SNTG1: variants seen among roughly 807,000 people sequenced by gnomAD.
SNTG1 encodes the protein gamma-1-syntrophin.
Under a neutral mutation model 74.7 loss-of-function variants are expected in SNTG1, and 39 were observed. The observed-to-expected ratio is 0.52, with a 90% CI of 0.40 to 0.68. The LOEUF is 0.68. Among genes scored for constraint, SNTG1 ranks in the 30% least tolerant of loss-of-function variants. The pLI is 0.00. For synonymous variants in SNTG1, 254 were observed against 217.1 expected, an observed-to-expected ratio of 1.17 and a Z score of -1.49; for missense variants, 685 against 609.5, an observed-to-expected ratio of 1.12 and a Z score of -1.30.
At chr8:50,000,663 A>G (rs550400929) in intron 1 of SNTG1, among the ~76,000 whole-genome samples, 1 of 152,304 alleles carries the variant, frequency 6.6e-6, no homozygotes, top group South Asian at 2.1e-4. Flanking sequence ...GCAATAATTG[A>G]AGCTTTTACG....
chr8:50,708,150 G>A (rs188849107), intron 16 of SNTG1: 17 of 193,026 alleles, frequency 8.8e-5, no homozygotes, highest in African/African-American at 2.1e-4. Flanking sequence ...GCAGTGAGCC[G>A]ACACCGCACC....
chr8:50,107,188 A>G (rs1343064666), intron 1 of SNTG1, among the ~76,000 whole-genome samples: 1 of 152,184 alleles, frequency 6.6e-6, no homozygotes, highest in African/African-American at 2.4e-5. Context: ...CATCTTCTAA[A>G]TATCTTTACC....
At chr8:50,450,511 A>G (rs2093445912) in intron 6 of SNTG1, 45 bp from the exon 7 acceptor site, 1 of 1,599,224 alleles carries the variant, frequency 6.3e-7, no homozygotes, top group Non-Finnish European at 8.6e-7. Context: ...CATCTGCATA[A>G]CAAAAACAGT....
intron 13 of SNTG1, among the ~76,000 whole-genome samples, chr8:50,643,181 G>A (rs558382898): frequency 6.6e-6 from 1 of 152,266 alleles, no homozygotes; most frequent in African/African-American, 2.4e-5. Flanking sequence ...GAAACATGTC[G>A]ACAGAAAATA....
intron 2 of SNTG1, chr8:50,286,494 A>T (rs2088792062): frequency 6.6e-6 from 1 of 152,200 alleles, no homozygotes; most frequent in African/African-American, 2.4e-5. Context: ...AAATGGGGAA[A>T]CATAATGATA....
chr8:49,913,141 C>A (rs1206551640), intron 1 of SNTG1, among the ~76,000 whole-genome samples: 2 of 152,114 alleles, frequency 1.3e-5, no homozygotes, highest in Non-Finnish European at 2.9e-5. Flanking sequence ...AATTTGTAAC[C>A]CGTGCCTGAC....
At chr8:50,156,978 C>A (rs1234454314) in intron 1 of SNTG1, among the ~76,000 whole-genome samples, 1 of 152,038 alleles carries the variant, frequency 6.6e-6, no homozygotes, top group Admixed American at 6.6e-5. Flanking sequence ...GTGTTCATAG[C>A]AGTTTTTCAT....
At chr8:50,347,915 C>A (rs1013600206) in intron 2 of SNTG1, among the ~76,000 whole-genome samples, 3 of 152,138 alleles carry the variant, frequency 2.0e-5, no homozygotes, top group Non-Finnish European at 4.4e-5. Flanking sequence ...CTGTTAAGAG[C>A]CCAGCCCTCA....
intron 2 of SNTG1, among the ~76,000 whole-genome samples, chr8:50,384,139 T>C (rs13278343): frequency 0.59 from 90,060 of 152,012 alleles, 26,857 homozygotes; most frequent in East Asian, 0.82. Flanking sequence ...CATATACAGC[T>C]TCCTGGAGAA....
In SNTG1 at chr8:50,556,217, G is replaced by A. The variant is rs573887576; in HGVS notation, c.810+3038G>A. ...AGTAAATGATGTCTACTAGAATGAG[G>A]GTGAAGGCTTTAGGGACTTGTCTTA... On this transcript the variant is annotated intron_variant, in intron 12 of 18. Transcript: ENST00000642720. Among the ~76,000 whole-genome samples, 9 of 152,200 alleles carry A rather than the reference G, an allele frequency of 5.9e-5. No homozygotes were observed. In the South Asian group the frequency reaches 1.7e-3, roughly 28 times the overall value.
intron 2 of SNTG1, among the ~76,000 whole-genome samples, chr8:50,377,183 T>A (rs576300884): frequency 6.7e-6 from 1 of 149,396 alleles, no homozygotes; most frequent in Non-Finnish European, 1.5e-5. Flanking sequence ...TTTGGCTGAA[T>A]TTTTGAAATG....
chr8:50,713,918 A>G (rs1163013835), intron 17 of SNTG1, among the ~76,000 whole-genome samples: 1 of 151,910 alleles, frequency 6.6e-6, no homozygotes, highest in African/African-American at 2.4e-5. Flanking sequence ...AATTAGCTGG[A>G]TGTGGTGGCA....
rs2083317026 is a variant in SNTG1, at chr8:50,184,599, T to A, written c.-28+11964T>A. 1.3e-5 allele frequency among the ~76,000 whole-genome samples: 2 copies of A among 152,212 alleles called. 1 individual carries two copies. ...TATGGTATGTTTTCAAATCTTCACA[T>A]TTTAGTCACCTTTGAAACTATTACA... On this transcript the variant is annotated intron_variant, in intron 2 of 18. Transcript: ENST00000642720.
chr8:50,158,467 T>G (rs16914334), intron 1 of SNTG1, among the ~76,000 whole-genome samples: 3,818 of 152,234 alleles, frequency 0.025, 176 homozygotes, highest in African/African-American at 0.085. Context: ...CCTATGATCA[T>G]GGAGCACACA....
At chr8:50,151,572 C>A (rs2082071633) in intron 1 of SNTG1, among the ~76,000 whole-genome samples, 1 of 152,176 alleles carries the variant, frequency 6.6e-6, no homozygotes, top group African/African-American at 2.4e-5. Flanking sequence ...CCTCTACATA[C>A]TGGTTTAAAT....
rs534820845 is a variant in SNTG1 at position 49,985,639 on chromosome 8, TA to T, written c.-103+73409del. ...TATAAATTATATTACATAAAATAAA[TA>T]CAGTTAAATAAGGCGCATAAACAAT... On this transcript the variant is annotated intron_variant, in intron 1 of 18. Transcript: ENST00000642720. Among the ~76,000 whole-genome samples the T allele has an allele frequency of 3.4e-3, 520 of 152,234 alleles. 3 individuals are homozygous for T. Among genetic ancestry groups the T allele is most frequent in the African/African-American group, 0.012 (494 of 41,544 alleles).
At chr8:50,523,896 CTTGGATA>C (rs2094199801) in intron 9 of SNTG1, among the ~76,000 whole-genome samples, 2 of 152,038 alleles carry the variant, frequency 1.3e-5, no homozygotes, top group South Asian at 4.2e-4. Context: ...TATGTCTGTA[CTTGGATA>C]TTGGGTTTTA....
At chr8:49,925,467 T>C (rs750276774) in intron 1 of SNTG1, among the ~76,000 whole-genome samples, 14 of 152,190 alleles carry the variant, frequency 9.2e-5, no homozygotes, top group Non-Finnish European at 1.9e-4. Flanking sequence ...TCTGTCTGTC[T>C]GTCTGTCGCT....
chr8:50,309,525 G>A (rs905085142), intron 2 of SNTG1, among the ~76,000 whole-genome samples: 1 of 152,144 alleles, frequency 6.6e-6, no homozygotes, highest in East Asian at 1.9e-4. Flanking sequence ...ATACTTCAAC[G>A]AGATGAGTGG....
Sources: allele counts gnomAD v4.1 joint callset (sites outside exome capture counted in the v4.1 genomes callset), GRCh38; gene constraint gnomAD v4.1.1; transcripts MANE v1.5; gene names NCBI Gene and HGNC (gene_info 2026-07-23, HGNC 2026-07-21).